GRIA1: variants seen among roughly 807,000 people sequenced by gnomAD.
GRIA1 encodes the protein glutamate ionotropic receptor AMPA type subunit 1.
In GRIA1, 31 loss-of-function variants were observed where a neutral mutation model predicts 99.2. That is an observed-to-expected ratio of 0.31 (90% CI 0.23 to 0.42). The LOEUF is 0.42. GRIA1 is among the 10% of genes least tolerant of loss of function. The pLI is 1.00. For missense variants in GRIA1, 782 were observed against 1,157.5 expected (o/e 0.68, Z 4.71); for synonymous variants, 438 against 432.4 (o/e 1.01, Z -0.16).
At chr5:153,797,501 C>T (rs1205411653) in intron 14 of GRIA1, among the ~76,000 whole-genome samples, 1 of 152,180 alleles carries the variant, frequency 6.6e-6, no homozygotes, top group Admixed American at 6.5e-5. Flanking sequence ...CACACAAGGC[C>T]CCTGCTCACC....
At chr5:153,701,578 G>A (rs1266900234) in intron 10 of GRIA1, among the ~76,000 whole-genome samples, 1 of 127,054 alleles carries the variant, frequency 7.9e-6, no homozygotes, top group Non-Finnish European at 1.6e-5. Context: ...CCAAGATGGT[G>A]CCGCTGTACT....
At chr5:153,534,092 A>C (rs887405161) in intron 2 of GRIA1, among the ~76,000 whole-genome samples, 2 of 152,198 alleles carry the variant, frequency 1.3e-5, no homozygotes, top group Admixed American at 1.3e-4. Flanking sequence ...GGTGCTTGCT[A>C]TGCTGCCTCG....
chr5:153,590,505 AATGTGTGT>A (rs1415875071), intron 2 of GRIA1, among the ~76,000 whole-genome samples: 3 of 115,746 alleles, frequency 2.6e-5, no homozygotes, highest in East Asian at 4.8e-4. Context: ...AAGCTATTGA[AATGTGTGT>A]GTGTGTGTGT....
At chr5:153,608,943 G>A (rs985114623) in intron 2 of GRIA1, among the ~76,000 whole-genome samples, 2 of 151,954 alleles carry the variant, frequency 1.3e-5, no homozygotes, top group African/African-American at 2.4e-5. Context: ...CCAATTTCAG[G>A]GATTGAGATG....
At chr5:153,693,266 G>C (rs552852639) in intron 8 of GRIA1, among the ~76,000 whole-genome samples, 2 of 152,078 alleles carry the variant, frequency 1.3e-5, no homozygotes, top group South Asian at 4.1e-4. Flanking sequence ...GTTGTATTCC[G>C]TTGGCCAGAA....
chr5:153,683,481 C>T (rs1216451400), intron 7 of GRIA1, among the ~76,000 whole-genome samples: 1 of 152,196 alleles, frequency 6.6e-6, no homozygotes, highest in Non-Finnish European at 1.5e-5. Flanking sequence ...ATAACGTCTG[C>T]TCTGGCTACT....
At chr5:153,557,477 G>C (rs1173582666) in intron 2 of GRIA1, among the ~76,000 whole-genome samples, 1 of 152,092 alleles carries the variant, frequency 6.6e-6, no homozygotes, top group Non-Finnish European at 1.5e-5. Context: ...ATTTTTTACT[G>C]TACAAACTTT....
intron 11 of GRIA1, among the ~76,000 whole-genome samples, chr5:153,753,453 G>A (rs138096713): frequency 4.6e-5 from 7 of 152,170 alleles, no homozygotes; most frequent in African/African-American, 1.4e-4. Flanking sequence ...ATTAGGTGAG[G>A]GAGGTAGTGT....
intron 10 of GRIA1, 136 bp from the exon 11 acceptor site, chr5:153,705,561 T>C (rs1758828023): frequency 8.6e-7 from 1 of 1,165,790 alleles, no homozygotes; most frequent in Non-Finnish European, 1.1e-6. Context: ...GGGGTTGGAC[T>C]TCAAAGGTTC....
chr5:153,745,546 G>A (rs551306924), intron 11 of GRIA1, among the ~76,000 whole-genome samples: 18 of 137,822 alleles, frequency 1.3e-4, no homozygotes, highest in South Asian at 6.7e-4. Context: ...CCGAGTTCAC[G>A]CCACTGCACT....
In GRIA1 at chr5:153,650,317, A is replaced by G. The variant is rs763077451; in HGVS notation, c.461-13A>G. 1.2e-6 allele frequency: 2 copies of G among 1,611,464 alleles called. No homozygotes were observed. Among genetic ancestry groups the G allele is most frequent in the Non-Finnish European group, 1.7e-6 (2 of 1,178,414 alleles). ...ACTGTCTGTCATTTCTCTTCTACTC[A>G]TCTGAACTTTAGGCTTATCCGTCCT... On this transcript the variant is annotated splice_polypyrimidine_tract_variant and intron_variant, in intron 3 of 15. Transcript: ENST00000285900.
At chr5:153,600,496 A>G (rs1267314367) in intron 2 of GRIA1, among the ~76,000 whole-genome samples, 7 of 152,064 alleles carry the variant, frequency 4.6e-5, no homozygotes, top group Non-Finnish European at 8.8e-5. Flanking sequence ...TAGGAAAGAA[A>G]TAGCGCTTTT....
chr5:153,709,494 A>G (rs991993335), intron 11 of GRIA1, among the ~76,000 whole-genome samples: 1 of 152,238 alleles, frequency 6.6e-6, no homozygotes, highest in Non-Finnish European at 1.5e-5. Flanking sequence ...TTGTCTGCAA[A>G]TAACATCAAA....
At chr5:153,508,787 T>A (rs1311401704) in intron 2 of GRIA1, among the ~76,000 whole-genome samples, 2 of 152,172 alleles carry the variant, frequency 1.3e-5, no homozygotes, top group Non-Finnish European at 2.9e-5. Context: ...AAAGCTTTTT[T>A]AAAAAACAAT....
intron 2 of GRIA1, among the ~76,000 whole-genome samples, chr5:153,521,853 T>C (rs1757176059): frequency 6.6e-6 from 1 of 152,248 alleles, no homozygotes; most frequent in African/African-American, 2.4e-5. Context: ...ATGTGTGAGT[T>C]GAGTGGCATT....
At chr5:153,721,574 T>G (rs1208842577) in intron 11 of GRIA1, among the ~76,000 whole-genome samples, 2 of 152,196 alleles carry the variant, frequency 1.3e-5, no homozygotes, top group African/African-American at 4.8e-5. Flanking sequence ...TAGAGTAGTT[T>G]TATGAATTGA....
intron 2 of GRIA1, among the ~76,000 whole-genome samples, chr5:153,551,074 T>C (rs1760091795): frequency 6.6e-6 from 1 of 152,152 alleles, no homozygotes; most frequent in Non-Finnish European, 1.5e-5. Context: ...AAAGCTATTA[T>C]TCATAACTGG....
intron 2 of GRIA1, among the ~76,000 whole-genome samples, chr5:153,604,800 A>C (rs565039956): frequency 1.3e-5 from 2 of 152,350 alleles, no homozygotes; most frequent in East Asian, 3.9e-4. Context: ...GAAACTGATA[A>C]ATTGAACTGT....
intron 2 of GRIA1, among the ~76,000 whole-genome samples, chr5:153,626,778 G>A (rs143451708): frequency 2.0e-5 from 3 of 152,192 alleles, no homozygotes; most frequent in East Asian, 1.9e-4. Flanking sequence ...GGTGCCCAGC[G>A]ACTATAGGGA....
Sources: allele counts gnomAD v4.1 joint callset (sites outside exome capture counted in the v4.1 genomes callset), GRCh38; gene constraint gnomAD v4.1.1; transcripts MANE v1.5; gene names NCBI Gene and HGNC (gene_info 2026-07-23, HGNC 2026-07-21).